Variants in GINM1 observed in about 807,000 individuals in gnomAD.
GINM1 encodes the protein glycoprotein integral membrane protein 1.
GINM1 carries 29 observed loss-of-function variants against 37.8 expected under a neutral mutation model. That is an observed-to-expected ratio of 0.77 (90% CI 0.57 to 1.05). The LOEUF (loss-of-function observed/expected upper bound fraction) is 1.05, where lower values mean the gene tolerates loss of function less well. Among genes scored for constraint, GINM1 ranks in the 50% least tolerant of loss-of-function variants. The pLI is 0.00. For synonymous variants in GINM1, 143 were observed against 146.2 expected (o/e 0.98, Z 0.16); for missense variants, 377 against 397.9 (o/e 0.95, Z 0.45).
intron 7 of GINM1, among the ~76,000 whole-genome samples, chr6:149,590,239 AAAC>A (rs1778133819): frequency 6.6e-6 from 1 of 152,178 alleles, no homozygotes; most frequent in South Asian, 2.1e-4. Context: ...TTGGTTCTAT[AAAC>A]AACTAACCCC....
In GINM1 at chr6:149,590,418, G is replaced by C. The variant is rs568781656; in HGVS notation, c.882-309G>C. On this transcript the variant is annotated intron_variant, in intron 7 of 7. Coordinates refer to ENST00000367419, the MANE Select transcript of GINM1 (RefSeq NM_138785.5). ...GAGTATTATTTAGAGAGAGGCTTAGGCTTAGGCTTTTTGCTCAGCCTGGGT... is the reference window on the plus strand; with the variant it reads ...GAGTATTATTTAGAGAGAGGCTTAGCCTTAGGCTTTTTGCTCAGCCTGGGT... Among the ~76,000 whole-genome samples, 137 of 152,274 alleles carry C rather than the reference G, an allele frequency of 9.0e-4. 1 individual carries two copies. Among genetic ancestry groups the C allele is most frequent in the Non-Finnish European group, 1.8e-3 (121 of 68,004 alleles).
rs367796614 is a variant in GINM1, at chr6:149,584,723, C to T, written c.881+2120C>T. Among the ~76,000 whole-genome samples, 63 of 151,720 alleles carry T rather than the reference C, an allele frequency of 4.2e-4. 2 individuals carry two copies. In the South Asian group the frequency reaches 0.011, roughly 27 times the overall value. On this transcript the variant is annotated intron_variant, in intron 7 of 7. Transcript: ENST00000367419. Reference sequence around the variant, plus strand: ...ACTTACTGGTTGAGCATCCTCAATCCAAAATCCAAAATGCTCTTGGGAGCA... The same window carrying T: ...ACTTACTGGTTGAGCATCCTCAATCTAAAATCCAAAATGCTCTTGGGAGCA...
intron 3 of GINM1, among the ~76,000 whole-genome samples, chr6:149,574,404 A>G (rs1777882627): frequency 6.6e-6 from 1 of 152,142 alleles, no homozygotes; most frequent in African/African-American, 2.4e-5. Context: ...ACTTATTTAC[A>G]TTAATAAAAT....
chr6:149,578,497 G>A (rs1186850798), intron 3 of GINM1, among the ~76,000 whole-genome samples: 1 of 131,986 alleles, frequency 7.6e-6, no homozygotes, highest in East Asian at 2.2e-4. Flanking sequence ...CTGCACTCCA[G>A]CCTGGGCGAC....
At chr6:149,574,828 A>G (rs1777890565) in intron 3 of GINM1, among the ~76,000 whole-genome samples, 1 of 152,180 alleles carries the variant, frequency 6.6e-6, no homozygotes, top group Non-Finnish European at 1.5e-5. Flanking sequence ...TGATTGTACC[A>G]CTGTAGTCCA....
At chr6:149,586,299 G>A (rs973611988) in intron 7 of GINM1, among the ~76,000 whole-genome samples, 4 of 152,130 alleles carry the variant, frequency 2.6e-5, no homozygotes, top group Admixed American at 1.3e-4. Context: ...CAGCAGGGGG[G>A]TGTCAGGCTC....
chr6:149,566,679 C>A lies in GINM1; in HGVS notation c.120+145C>A. The A allele has an allele frequency of 8.7e-7, 1 of 1,153,332 alleles. No homozygotes were observed. 71.4% of individuals were successfully genotyped at this position (1,153,332 alleles called of 1,614,324 possible). On this transcript the variant is annotated intron_variant, in intron 1 of 7. Coordinates refer to ENST00000367419, the MANE Select transcript of GINM1 (RefSeq NM_138785.5). This position sits in a 1 kb window ranked among gnomAD's most constrained non-coding sequence, Gnocchi z 4.4. ...GAAGGAGGTGTGGGGAGAAGCACCC[C>A]AGGAAATGGGGGCGGCGTGGGAGGC...
chr6:149,588,875 C>T (rs1582739729), intron 7 of GINM1, among the ~76,000 whole-genome samples: 1 of 152,112 alleles, frequency 6.6e-6, no homozygotes, highest in Admixed American at 6.6e-5. Context: ...GTGATCTTGG[C>T]TTGCTGCAAC....
At chr6:149,572,935 G>A (rs143669600) in intron 3 of GINM1, among the ~76,000 whole-genome samples, 6,270 of 152,082 alleles carry the variant, frequency 0.041, 328 homozygotes, top group African/African-American at 0.12. Flanking sequence ...CAAAGTGCTG[G>A]GATTACAGAT....
At chr6:149,587,385 G>T (rs569241718) in intron 7 of GINM1, among the ~76,000 whole-genome samples, 3 of 152,076 alleles carry the variant, frequency 2.0e-5, no homozygotes, top group Non-Finnish European at 4.4e-5. Context: ...CCACAAGACT[G>T]CCCCCCTTCA....
chr6:149,579,695 CAAA>C (rs552907905), intron 4 of GINM1, 136 bp from the exon 5 acceptor site: 1,189 of 389,302 alleles, frequency 3.1e-3, no homozygotes, highest in South Asian at 5.4e-3. Context: ...AACTCCATCT[CAAA>C]AAAAAAAAAA....
intron 7 of GINM1, among the ~76,000 whole-genome samples, chr6:149,585,959 A>G (rs1340040734): frequency 2.6e-5 from 4 of 152,190 alleles, no homozygotes; most frequent in African/African-American, 4.8e-5. Context: ...GCACTACACA[A>G]TACCTCATAT....
intron 7 of GINM1, 58 bp from the exon 8 acceptor site, chr6:149,590,669 A>G (rs1448463255): frequency 3.3e-6 from 3 of 907,054 alleles, no homozygotes; most frequent in Non-Finnish European, 5.4e-6. Flanking sequence ...TCTCACTATC[A>G]AACTACAGGC....
chr6:149,568,819 T>C (rs1161216836), intron 1 of GINM1, among the ~76,000 whole-genome samples: 1 of 152,218 alleles, frequency 6.6e-6, no homozygotes, highest in South Asian at 2.1e-4. Context: ...GCACATAAGA[T>C]TGAAAAATAA....
At chr6:149,580,561 A>G (rs1453138045) in intron 5 of GINM1, 32 bp from the exon 6 acceptor site, 20 of 1,591,334 alleles carry the variant, frequency 1.3e-5, no homozygotes, top group Non-Finnish European at 1.7e-5. Context: ...AGACACCAGC[A>G]TTTTGGTAAC....
At chr6:149,586,220 T>C (rs533123980) in intron 7 of GINM1, among the ~76,000 whole-genome samples, 7 of 152,292 alleles carry the variant, frequency 4.6e-5, no homozygotes, top group South Asian at 4.1e-4. Context: ...CTCAGGCTGC[T>C]TCCACTCAGC....
intron 7 of GINM1, among the ~76,000 whole-genome samples, chr6:149,586,387 C>G (rs1424381183): frequency 1.3e-5 from 2 of 152,156 alleles, no homozygotes; most frequent in East Asian, 1.9e-4. Context: ...TTAATCTGTT[C>G]ATGAAGGATC....
intron 5 of GINM1, 102 bp downstream of exon 5, chr6:149,580,092 A>C: frequency 2.6e-6 from 2 of 761,492 alleles, no homozygotes; most frequent in Non-Finnish European, 4.2e-6. Context: ...TATTTGCAAA[A>C]GTTGCTATTT....
At chr6:149,568,045 T>G (rs539878802) in intron 1 of GINM1, among the ~76,000 whole-genome samples, 2 of 152,346 alleles carry the variant, frequency 1.3e-5, no homozygotes, top group South Asian at 4.1e-4. Context: ...TTAGTGATGA[T>G]TTTACTATTT....
Sources: allele counts gnomAD v4.1 joint callset (sites outside exome capture counted in the v4.1 genomes callset), GRCh38; gene constraint gnomAD v4.1.1; non-coding constraint Gnocchi (gnomAD v3.1); transcripts MANE v1.5; gene names NCBI Gene and HGNC (gene_info 2026-07-23, HGNC 2026-07-21).